BRMS1L: variants seen among roughly 807,000 people sequenced by gnomAD.
BRMS1L encodes the protein breast cancer metastasis-suppressor 1-like protein.
BRMS1L carries 23 observed loss-of-function variants against 50.3 expected under a neutral mutation model. That is an observed-to-expected ratio of 0.46 (90% confidence interval 0.33 to 0.65). The LOEUF (loss-of-function observed/expected upper bound fraction) is 0.65, where lower values mean the gene tolerates loss of function less well. BRMS1L is among the 30% of genes least tolerant of loss of function. The pLI is 0.02. For missense variants in BRMS1L, 286 were observed against 386.1 expected (o/e 0.74, Z 2.17); for synonymous variants, 114 against 126.9 (o/e 0.90, Z 0.69).
intron 4 of BRMS1L, among the ~76,000 whole-genome samples, chr14:35,852,389 G>T (rs1190302123): frequency 6.6e-6 from 1 of 152,160 alleles, no homozygotes; most frequent in Non-Finnish European, 1.5e-5. Context: ...GTGGTATTTT[G>T]ATAGGGGTTG....
chr14:35,848,141 AT>A (rs2078161465), intron 4 of BRMS1L, among the ~76,000 whole-genome samples: 1 of 152,224 alleles, frequency 6.6e-6, no homozygotes, highest in African/African-American at 2.4e-5. Flanking sequence ...TAAAAAAGCA[AT>A]TAATTTTAAA....
chr14:35,851,532 AGAGG>A (rs1435882372), intron 4 of BRMS1L, among the ~76,000 whole-genome samples: 2 of 152,196 alleles, frequency 1.3e-5, no homozygotes, highest in Non-Finnish European at 2.9e-5. Context: ...CAGGAGAGAG[AGAGG>A]AAGGGCAAGA....
At chr14:35,869,716 C>T (rs555119294) in intron 9 of BRMS1L, among the ~76,000 whole-genome samples, 3 of 151,896 alleles carry the variant, frequency 2.0e-5, no homozygotes, top group Middle Eastern at 6.8e-3. Context: ...CATGGTGGCA[C>T]GTGCTTGTAG....
At chr14:35,838,524 C>T (rs2078021477) in intron 4 of BRMS1L, among the ~76,000 whole-genome samples, 1 of 152,186 alleles carries the variant, frequency 6.6e-6, no homozygotes, top group African/African-American at 2.4e-5. Context: ...TCCACATCCT[C>T]TCCAGCATCT....
At chr14:35,845,223 T>TGGG (rs2078117820) in intron 4 of BRMS1L, among the ~76,000 whole-genome samples, 2 of 152,242 alleles carry the variant, frequency 1.3e-5, no homozygotes, top group South Asian at 4.1e-4. Flanking sequence ...TTGTTTTACT[T>TGGG]GTTTTAATGG....
chr14:35,833,747 AAACTT>A (rs1265852919), intron 3 of BRMS1L, among the ~76,000 whole-genome samples: 3 of 152,182 alleles, frequency 2.0e-5, no homozygotes, highest in African/African-American at 7.2e-5. Flanking sequence ...GTCAAAAACT[AAACTT>A]TAATTAGTGG....
At chr14:35,859,680 C>T (rs1266241508) in intron 4 of BRMS1L, among the ~76,000 whole-genome samples, 2 of 152,054 alleles carry the variant, frequency 1.3e-5, no homozygotes, top group Non-Finnish European at 2.9e-5. Flanking sequence ...GACAGAGTCT[C>T]GCTCTATTGC....
chr14:35,867,941 A>C lies in BRMS1L; in HGVS notation c.763A>C (p.Arg255=). 6.2e-7 allele frequency: 1 copy of C among 1,612,396 alleles called. No homozygotes were observed. The highest frequency in any genetic ancestry group is 8.5e-7 in the Non-Finnish European group (1 of 1,179,416). ...ACTGGAAAAACATCTGCACAGTGCT[A>C]GATCTGAAGAGGGAAGACTATATTA... ...VKLEKHLHSA[R]SEEGRLYYDG... The change falls in exon 9 of 10, where the codon AGA becomes CGA. Residue 255 remains arginine (R), a synonymous_variant. Transcript: ENST00000216807.
intron 1 of BRMS1L, among the ~76,000 whole-genome samples, chr14:35,828,803 T>A (rs1198317125): frequency 6.6e-6 from 1 of 152,018 alleles, no homozygotes; most frequent in Admixed American, 6.6e-5. Flanking sequence ...ATTGCCCAAC[T>A]GACAAATGGA....
At chr14:35,831,791 G>T (rs555612401) in intron 2 of BRMS1L, among the ~76,000 whole-genome samples, 2 of 152,242 alleles carry the variant, frequency 1.3e-5, no homozygotes, top group South Asian at 4.2e-4. Context: ...GTGGTGGTAC[G>T]TGCCTGTGGT....
intron 5 of BRMS1L, 140 bp downstream of exon 5, chr14:35,862,826 T>C (rs2142062020): frequency 4.7e-6 from 2 of 421,468 alleles, no homozygotes; most frequent in East Asian, 7.6e-5. Context: ...GGAAGAACTC[T>C]AAAGTGATGG....
intron 4 of BRMS1L, among the ~76,000 whole-genome samples, chr14:35,846,548 T>C (rs1158398289): frequency 6.6e-6 from 1 of 152,244 alleles, no homozygotes; most frequent in East Asian, 1.9e-4. Flanking sequence ...TTCAGGCCAG[T>C]TATTTTGTAG....
At chr14:35,845,740 TAC>T (rs1037691578) in intron 4 of BRMS1L, among the ~76,000 whole-genome samples, 1 of 152,074 alleles carries the variant, frequency 6.6e-6, no homozygotes, top group African/African-American at 2.4e-5. Context: ...GATATACACA[TAC>T]ACACACACAC....
chr14:35,833,445 G>T (rs576031810), intron 3 of BRMS1L, among the ~76,000 whole-genome samples: 1 of 152,070 alleles, frequency 6.6e-6, no homozygotes, highest in East Asian at 1.9e-4. Context: ...TAAAGTTTAA[G>T]TGTTCTAGGC....
At chr14:35,829,924 T>C in intron 1 of BRMS1L, 1 of 973,208 alleles carries the variant, frequency 1.0e-6, no homozygotes, top group South Asian at 2.7e-5. Context: ...AACAGTTGCT[T>C]TCCTTAAAAA....
At chr14:35,859,051 C>G (rs914878001) in intron 4 of BRMS1L, among the ~76,000 whole-genome samples, 3 of 151,532 alleles carry the variant, frequency 2.0e-5, no homozygotes, top group African/African-American at 7.3e-5. Flanking sequence ...AAGTGATTCT[C>G]CTGCCTCAGC....
At chr14:35,831,572 A>G in intron 2 of BRMS1L, 72 bp downstream of exon 2, 1 of 1,092,172 alleles carries the variant, frequency 9.2e-7, no homozygotes, top group Non-Finnish European at 1.4e-6. Context: ...CACAAGAGCA[A>G]CTAGATTCAG....
At chr14:35,848,727 CTTAT>C (rs1348659118) in intron 4 of BRMS1L, among the ~76,000 whole-genome samples, 3 of 152,106 alleles carry the variant, frequency 2.0e-5, no homozygotes, top group African/African-American at 7.2e-5. Flanking sequence ...CTATGCCTGA[CTTAT>C]TTAATGTTAG....
chr14:35,830,963 G>C (rs1490138686), intron 1 of BRMS1L, among the ~76,000 whole-genome samples: 1 of 121,038 alleles, frequency 8.3e-6, no homozygotes, highest in Non-Finnish European at 1.7e-5. Flanking sequence ...TTTTTTTTTA[G>C]ACTAGGTCAC....
Sources: gnomAD v4.1 joint callset for allele counts (sites outside exome capture counted in the v4.1 genomes callset) on GRCh38, gnomAD v4.1.1 for gene constraint, MANE v1.5 for transcripts, NCBI Gene and HGNC (gene_info 2026-07-23, HGNC 2026-07-21) for gene names.